THADA: variants seen among roughly 807,000 people sequenced by gnomAD.
The protein encoded by THADA is THADA armadillo repeat containing.
A neutral mutation model predicts 219.8 loss-of-function variants in THADA; 213 were observed. The ratio of observed to expected loss-of-function variants is 0.97; its 90% CI spans 0.87 to 1.09. The LOEUF is 1.09. Ranked by LOEUF, THADA falls within the 50% of genes least tolerant of loss-of-function variation. THADA has a pLI of 0.00. For missense variants in THADA, 2,956 were observed against 2,311.3 expected (o/e 1.28, Z -5.72); for synonymous variants, 1,018 against 828.9 (o/e 1.23, Z -3.92).
At chr2:43,351,477 T>A (rs547217040) in intron 29 of THADA, among the ~76,000 whole-genome samples, 1 of 151,288 alleles carries the variant, frequency 6.6e-6, no homozygotes, top group South Asian at 2.2e-4. Context: ...CCCATAAAAC[T>A]CTCCCCAGCT....
At chr2:43,414,549 T>C (rs1366742045) in intron 28 of THADA, among the ~76,000 whole-genome samples, 1 of 152,252 alleles carries the variant, frequency 6.6e-6, no homozygotes, top group East Asian at 1.9e-4. Flanking sequence ...ATAGAAACTT[T>C]GATCTTCTCT....
intron 26 of THADA, among the ~76,000 whole-genome samples, chr2:43,432,820 C>T (rs557188267): frequency 6.6e-6 from 1 of 152,020 alleles, no homozygotes; most frequent in African/African-American, 2.4e-5. Context: ...TTATTATGAC[C>T]CTTTGTGAAG....
intron 25 of THADA, 98 bp from the exon 26 acceptor site, chr2:43,485,423 C>CTGGCTAGTG (rs1558837607): frequency 1.2e-6 from 1 of 835,614 alleles, no homozygotes; most frequent in Non-Finnish European, 1.9e-6. Flanking sequence ...CATTACCTAA[C>CTGGCTAGTG]TGGCTAGTGT....
chr2:43,271,233 G>T (rs1467915756), intron 36 of THADA, among the ~76,000 whole-genome samples: 2 of 152,194 alleles, frequency 1.3e-5, no homozygotes, highest in African/African-American at 4.8e-5. Context: ...AGTATGGAGT[G>T]ACAAGGGAGA....
At chr2:43,502,149 C>G (rs1304210746) in intron 24 of THADA, among the ~76,000 whole-genome samples, 2 of 148,494 alleles carry the variant, frequency 1.3e-5, no homozygotes, top group African/African-American at 5.0e-5. Flanking sequence ...TAAACAAAGA[C>G]AAATTACAGG....
rs1701632467 is a variant in THADA at position 43,591,995 on chromosome 2, A to C, written c.128T>G (p.Val43Gly). Residue 43 changes from valine to glycine, a missense_variant, in exon 3 of 38, where the codon GTG (valine) becomes GGG (glycine). By Grantham distance (109) the Val-to-Gly change is moderately radical. Transcript: ENST00000405975. ...KNLASLLLHCVQLTDGVSQIH... is the reference protein window; with the variant it reads ...KNLASLLLHCGQLTDGVSQIH... ...TTGTGACACTCCATCCGTGAGTTGC[A>C]CACAATGTAACAGCAAAGAAGCTAG... 3 of 1,563,156 alleles carry C rather than the reference A, an allele frequency of 1.9e-6. No individual in the cohort carries two copies.
chr2:43,297,559 C>T (rs1217420437), intron 31 of THADA, among the ~76,000 whole-genome samples: 1 of 110,764 alleles, frequency 9.0e-6, no homozygotes, highest in African/African-American at 4.7e-5. Flanking sequence ...GGGGGGTCAG[C>T]CCCCCGCCTG....
At chr2:43,296,822 T>C (rs947353708) in intron 31 of THADA, among the ~76,000 whole-genome samples, 2 of 152,116 alleles carry the variant, frequency 1.3e-5, no homozygotes, top group Non-Finnish European at 2.9e-5. Context: ...AGAAATCTGC[T>C]CTTAAAATTG....
intron 9 of THADA, among the ~76,000 whole-genome samples, chr2:43,578,234 C>G (rs1392960459): frequency 1.3e-5 from 2 of 151,674 alleles, no homozygotes; most frequent in Non-Finnish European, 2.9e-5. Flanking sequence ...CCTTAAACTC[C>G]TAGGCTCAAG....
At chr2:43,552,468 A>G (rs1696862629) in intron 17 of THADA, 129 bp from the exon 18 acceptor site, 1 of 1,029,108 alleles carries the variant, frequency 9.7e-7, no homozygotes, top group Non-Finnish European at 1.4e-6. Flanking sequence ...TTTAATCAAA[A>G]AGAGATCTTT....
chr2:43,435,323 G>C (rs1679932692), intron 26 of THADA, among the ~76,000 whole-genome samples: 1 of 152,116 alleles, frequency 6.6e-6, no homozygotes, highest in Non-Finnish European at 1.5e-5. Context: ...GCCAGGCATG[G>C]TGGTGCACGC....
At chr2:43,363,701 A>G (rs1325125880) in intron 29 of THADA, among the ~76,000 whole-genome samples, 2 of 152,230 alleles carry the variant, frequency 1.3e-5, no homozygotes, top group African/African-American at 4.8e-5. Flanking sequence ...GGAGTAGTTC[A>G]TGAGTCTGTG....
rs548360238 is a variant in THADA at position 43,560,144 on chromosome 2, C to G, written c.2463+90G>C. The stretch of plus-strand genomic sequence containing the variant: ...GTCCAAAAACATGAGCAGGCAGATG[C>G]AAAGCACATGAATAATCCTCAGATT... On this transcript the variant is annotated intron_variant, in intron 16 of 37. Coordinates refer to ENST00000405975, the MANE Select transcript of THADA (RefSeq NM_022065.5). 27 of 1,130,106 alleles carry G rather than the reference C, an allele frequency of 2.4e-5. No homozygotes were observed. In the South Asian group the frequency reaches 5.1e-4, roughly 21 times the overall value. 70.0% of individuals were successfully genotyped at this position (1,130,106 alleles called of 1,614,324 possible).
At chr2:43,508,931 T>C (rs1183223469) in intron 22 of THADA, among the ~76,000 whole-genome samples, 151 bp from the exon 23 acceptor site, 2 of 152,196 alleles carry the variant, frequency 1.3e-5, no homozygotes, top group East Asian at 3.8e-4. Flanking sequence ...TTCACCTACT[T>C]TCCTCTTTAT....
intron 36 of THADA, among the ~76,000 whole-genome samples, chr2:43,239,632 G>C (rs561001007): frequency 3.3e-5 from 5 of 152,342 alleles, no homozygotes; most frequent in African/African-American, 1.2e-4. Flanking sequence ...AAAGTATTAT[G>C]GGGGAGATGA....
intron 28 of THADA, among the ~76,000 whole-genome samples, chr2:43,410,656 C>A (rs545933396): frequency 1.3e-5 from 2 of 151,164 alleles, no homozygotes; most frequent in South Asian, 4.2e-4. Flanking sequence ...TGTATGAGTC[C>A]GTTTACTTAA....
intron 26 of THADA, among the ~76,000 whole-genome samples, chr2:43,434,560 G>A (rs1450989457): frequency 6.6e-6 from 1 of 152,096 alleles, no homozygotes; most frequent in Non-Finnish European, 1.5e-5. Flanking sequence ...ACACACAAGC[G>A]GCTGGATGGC....
At chr2:43,303,931 G>C (rs960462641) in intron 31 of THADA, among the ~76,000 whole-genome samples, 1 of 152,156 alleles carries the variant, frequency 6.6e-6, no homozygotes, top group African/African-American at 2.4e-5. Flanking sequence ...CAAATTCCCA[G>C]GTAATGCTGA....
intron 36 of THADA, among the ~76,000 whole-genome samples, chr2:43,257,622 G>A (rs924455461): frequency 6.6e-6 from 1 of 152,230 alleles, no homozygotes; most frequent in Non-Finnish European, 1.5e-5. Flanking sequence ...GATATGGAAG[G>A]CCTTTCTCTC....
Sources: gnomAD v4.1 joint callset for allele counts (sites outside exome capture counted in the v4.1 genomes callset) on GRCh38, gnomAD v4.1.1 for gene constraint, MANE v1.5 for transcripts, NCBI Gene and HGNC (gene_info 2026-07-23, HGNC 2026-07-21) for gene names.